TP53INP2: variants seen among roughly 807,000 people sequenced by gnomAD.
The protein encoded by TP53INP2 is tumor protein p53 inducible nuclear protein 2.
Under a neutral mutation model 17.1 loss-of-function variants are expected in TP53INP2, and 12 were observed. The ratio of observed to expected loss-of-function variants is 0.70; its 90% CI spans 0.45 to 1.14. The LOEUF (loss-of-function observed/expected upper bound fraction) is 1.14, where lower values mean the gene tolerates loss of function less well. Ranked by LOEUF, TP53INP2 falls within the 50% of genes most tolerant of loss-of-function variation. The probability of loss-of-function intolerance (pLI) is 0.00; values close to 1 mark genes in which losing one functional copy is unlikely to be tolerated. For missense variants in TP53INP2, 342 were observed against 330.9 expected, an observed-to-expected ratio of 1.03 and a Z score of -0.26; for synonymous variants, 145 against 147.3, an observed-to-expected ratio of 0.98 and a Z score of 0.12.
At position 34,709,183 on chromosome 20, in the gene TP53INP2, GTGC is replaced by G; in HGVS notation, c.125-52_125-50del. The G allele has an allele frequency of 4.8e-6, 7 of 1,453,872 alleles. No homozygotes were observed. The highest frequency in any genetic ancestry group is 6.3e-6 in the Non-Finnish European group (7 of 1,104,372). The allele number at this position is 1,453,872 out of a possible 1,614,324, so 90.1% of individuals were successfully genotyped here. A position where few individuals can be genotyped will look rare whatever the true frequency, so the allele number is the denominator to read the frequency against. Reference sequence around the variant, plus strand: ...CCGGTGTGTGTGTGTGTGTGTGTGTGTGCCTCCTCGCTGCTCCCCTCCTCTGCA... The same window carrying G: ...CCGGTGTGTGTGTGTGTGTGTGTGTGCTCCTCGCTGCTCCCCTCCTCTGCA... On this transcript the variant is annotated intron_variant, in intron 3 of 4. Transcript: ENST00000374810. The surrounding 1 kb of genome is among the most constrained non-coding windows in gnomAD (Gnocchi z 5.4).
chr20:34,704,719 A>G lies in TP53INP2; in HGVS notation c.-167+207A>G, dbSNP rs1174360750. 2.6e-5 allele frequency: 4 copies of G among 152,208 alleles called. 1 individual carries two copies. In the South Asian group the frequency reaches 8.3e-4, roughly 31 times the overall value. 9.4% of individuals were successfully genotyped at this position (152,208 alleles called of 1,614,324 possible). A position where few individuals can be genotyped will look rare whatever the true frequency, so the allele number is the denominator to read the frequency against. On this transcript the variant is annotated intron_variant, in intron 1 of 4. Transcript: ENST00000374810. ...TCACCAAGGCCGGTACCGCCCCCAC[A>G]GGCTCGGGTCGCTTGTCCTCCCGTG... is the stretch of plus-strand genomic sequence containing the variant.
intron 2 of TP53INP2, among the ~76,000 whole-genome samples, 173 bp from the exon 3 acceptor site, chr20:34,708,518 A>C (rs953460739): frequency 2.6e-5 from 4 of 152,230 alleles, no homozygotes; most frequent in African/African-American, 9.6e-5. Flanking sequence ...GAAGATAAAA[A>C]AAAAACCCTG....
In TP53INP2 at chr20:34,710,653, T is replaced by G. The variant is rs1035216611; in HGVS notation, c.*346T>G. ...TGGCCTGCCCCTATTTCTGAAAGCT[T>G]CTTCCAGTCCCTGATCTGGCTCATT... is the stretch of plus-strand genomic sequence containing the variant. On this transcript the variant is annotated 3_prime_UTR_variant, in exon 5 of 5. Coordinates refer to ENST00000374810, the MANE Select transcript of TP53INP2 (RefSeq NM_021202.3). This position sits in a 1 kb window ranked among gnomAD's most constrained non-coding sequence, Gnocchi z 4.9. 16 of 217,154 alleles carry G rather than the reference T, an allele frequency of 7.4e-5. No individual in the cohort carries two copies. Among genetic ancestry groups the G allele is most frequent in the Middle Eastern group, 1.4e-3 (1 of 706 alleles). 13.5% of individuals were successfully genotyped at this position (217,154 alleles called of 1,614,324 possible).
At chr20:34,706,890 G>A (rs115250078) in intron 2 of TP53INP2, among the ~76,000 whole-genome samples, 213 of 152,270 alleles carry the variant, frequency 1.4e-3, no homozygotes, top group African/African-American at 4.9e-3. Flanking sequence ...CAGCAAAACC[G>A]TTGAGCATCT....
intron 2 of TP53INP2, among the ~76,000 whole-genome samples, chr20:34,706,904 G>A (rs1988015975): frequency 6.6e-6 from 1 of 152,162 alleles, no homozygotes; most frequent in African/African-American, 2.4e-5. Context: ...AGCATCTTTA[G>A]GGAACAGGTG....
At position 34,710,434 on chromosome 20, in the gene TP53INP2, CCCCGACA is replaced by C. The variant is rs1988160009; in HGVS notation, c.*131_*137del. ...TGAGGTTGGGTGATAGCCGTTCCTT[CCCCGACA>C]CCCTCAATTTCCCCATCTCTGATCC... On this transcript the variant is annotated 3_prime_UTR_variant, in exon 5 of 5. Coordinates refer to ENST00000374810, the MANE Select transcript of TP53INP2 (RefSeq NM_021202.3). The surrounding 1 kb of genome is among the most constrained non-coding windows in gnomAD (Gnocchi z 4.9). 1 of 1,048,072 alleles carries C rather than the reference CCCCGACA, an allele frequency of 9.5e-7. No individual in the cohort carries two copies. Among genetic ancestry groups the C allele is most frequent in the South Asian group, 4.2e-5 (1 of 23,858 alleles). 64.9% of individuals were successfully genotyped at this position (1,048,072 alleles called of 1,614,324 possible). A position where few individuals can be genotyped will look rare whatever the true frequency, so the allele number is the denominator to read the frequency against.
At position 34,710,322 on chromosome 20, in the gene TP53INP2, C is replaced by G. The variant is rs1006759643; in HGVS notation, c.*15C>G. On this transcript the variant is annotated 3_prime_UTR_variant, in exon 5 of 5. Coordinates refer to ENST00000374810, the MANE Select transcript of TP53INP2 (RefSeq NM_021202.3). The surrounding 1 kb of genome is among the most constrained non-coding windows in gnomAD (Gnocchi z 4.9). The stretch of plus-strand genomic sequence containing the variant: ...TCAACTACTGAGCGTCCACCGGCCG[C>G]GCCACGAACCCCTTGCCGATCCCGA... The G allele has an allele frequency of 1.5e-6, 2 of 1,351,666 alleles. No homozygotes were observed. Among genetic ancestry groups the G allele is most frequent in the Non-Finnish European group, 1.9e-6 (2 of 1,039,906 alleles). The allele number at this position is 1,351,666 out of a possible 1,614,324, so 83.7% of individuals were successfully genotyped here. A position where few individuals can be genotyped will look rare whatever the true frequency, so the allele number is the denominator to read the frequency against.
Position 34,710,171 on chromosome 20 carries a change from G to A in TP53INP2, c.527G>A (p.Arg176Gln), listed in dbSNP as rs1158318634. 1 of 1,322,878 alleles carries A rather than the reference G, an allele frequency of 7.6e-7. No individual in the cohort carries two copies. The highest frequency in any genetic ancestry group is 9.7e-7 in the Non-Finnish European group (1 of 1,028,982). 81.9% of individuals were successfully genotyped at this position (1,322,878 alleles called of 1,614,324 possible). Residue 176 changes from arginine to glutamine, a missense_variant, in exon 5 of 5, where the codon CGG (arginine) becomes CAG (glutamine). Coordinates refer to ENST00000374810, the MANE Select transcript of TP53INP2 (RefSeq NM_021202.3). The surrounding 1 kb of genome is among the most constrained non-coding windows in gnomAD (Gnocchi z 4.9). The stretch of plus-strand genomic sequence containing the variant: ...CAGGTGCGGCGGCTGCAGCGGGCCC[G>A]GCAGCGGGCAGAGCGCCACGCGCTG... ...AGQVRRLQRA[R>Q]QRAERHALSA...
Position 34,709,760 on chromosome 20 carries a change from G to T in TP53INP2, c.413+236G>T, listed in dbSNP as rs374335844. On this transcript the variant is annotated intron_variant, in intron 4 of 4. Coordinates refer to ENST00000374810, the MANE Select transcript of TP53INP2 (RefSeq NM_021202.3). The surrounding 1 kb of genome is among the most constrained non-coding windows in gnomAD (Gnocchi z 5.4). ...TGAGAGGGAGGGGCGTGGCCAAGAG[G>T]CTGGGGCCGGGGTTGGAGGCTTGAG... 1.2e-4 allele frequency among the ~76,000 whole-genome samples: 18 copies of T among 151,858 alleles called. No individual in the cohort carries two copies. In the East Asian group the frequency reaches 2.7e-3, roughly 23 times the overall value.
chr20:34,709,263 G>T lies in TP53INP2; in HGVS notation c.152G>T (p.Gly51Val). The change falls in exon 4 of 5, where the codon GGG becomes GTG. Residue 51 changes from glycine to valine, a missense_variant. Gly to Val is a moderately radical substitution (Grantham distance 109). Coordinates refer to ENST00000374810, the MANE Select transcript of TP53INP2 (RefSeq NM_021202.3). This position sits in a 1 kb window ranked among gnomAD's most constrained non-coding sequence, Gnocchi z 5.4. ...PDSYAAPPSP[G>V]AAPAPAGRPP... ...AGCTACGCGGCTCCACCCAGCCCCG[G>T]GGCCGCCCCTGCCCCCGCGGGCCGC... The T allele has an allele frequency of 1.3e-6, 2 of 1,584,852 alleles. No homozygotes were observed. Among genetic ancestry groups the T allele is most frequent in the Non-Finnish European group, 1.7e-6 (2 of 1,165,512 alleles).
At chr20:34,707,237 T>C (rs1446788108) in intron 2 of TP53INP2, among the ~76,000 whole-genome samples, 1 of 152,180 alleles carries the variant, frequency 6.6e-6, no homozygotes, top group Non-Finnish European at 1.5e-5. Flanking sequence ...TACCCCTGGA[T>C]GCTGCCCTTG....
chr20:34,704,992 C>A (rs2146821190), intron 1 of TP53INP2, among the ~76,000 whole-genome samples: 1 of 152,140 alleles, frequency 6.6e-6, no homozygotes, highest in African/African-American at 2.4e-5. Context: ...GTGGTGGGAT[C>A]CCCTCCCTCC....
chr20:34,710,094 G>A lies in TP53INP2; in HGVS notation c.450G>A (p.Ala150=). ...LTPARREPRA[A]RHAAPLPARA... is the part of the protein sequence containing the mutation. ...CCGCCCGCCGCGAGCCGCGGGCCGCGCGCCACGCCGCTCCTCTCCCAGCGC... is the reference window on the plus strand; with the variant it reads ...CCGCCCGCCGCGAGCCGCGGGCCGCACGCCACGCCGCTCCTCTCCCAGCGC... Residue 150 remains alanine (A), a synonymous_variant, in exon 5 of 5, where the codon GCG becomes GCA. Coordinates refer to ENST00000374810, the MANE Select transcript of TP53INP2 (RefSeq NM_021202.3). The surrounding 1 kb of genome is among the most constrained non-coding windows in gnomAD (Gnocchi z 4.9). The A allele has an allele frequency of 1.6e-6, 2 of 1,273,666 alleles. No homozygotes were observed. The allele number at this position is 1,273,666 out of a possible 1,614,324, so 78.9% of individuals were successfully genotyped here.
In TP53INP2 at chr20:34,713,012, GC is replaced by G; in HGVS notation, c.*2710del. 6.5e-6 allele frequency: 1 copy of G among 152,844 alleles called. No homozygotes were observed. The highest frequency in any genetic ancestry group is 1.5e-5 in the Non-Finnish European group (1 of 68,188). 9.5% of individuals were successfully genotyped at this position (152,844 alleles called of 1,614,324 possible). ...TGTTTTAGAGTATGCCTGCTCCCCA[GC>G]CCCCTGCCTGGAACCCTCTGAGCAA... On this transcript the variant is annotated 3_prime_UTR_variant, in exon 5 of 5. Coordinates refer to ENST00000374810, the MANE Select transcript of TP53INP2 (RefSeq NM_021202.3).
Position 34,710,008 on chromosome 20 carries a change from C to CCT in TP53INP2, c.414-49_414-48insTC, listed in dbSNP as rs759254668. The stretch of plus-strand genomic sequence containing the variant: ...GTGGGAGATGGCAGCGCCCTCTAGA[C>CCT]CCCCCGCCCAGCTTACCCGGCTTGA... On this transcript the variant is annotated intron_variant, in intron 4 of 4. Transcript: ENST00000374810. This position sits in a 1 kb window ranked among gnomAD's most constrained non-coding sequence, Gnocchi z 4.9. The CCT allele has an allele frequency of 3.2e-4, 406 of 1,265,926 alleles. 1 individual carries two copies. The African/African-American group carries it at 4.5e-3, about 14-fold the overall frequency. 78.4% of individuals were successfully genotyped at this position (1,265,926 alleles called of 1,614,324 possible). A position where few individuals can be genotyped will look rare whatever the true frequency, so the allele number is the denominator to read the frequency against.
chr20:34,705,268 T>A lies in TP53INP2; in HGVS notation c.-166-90T>A, dbSNP rs1286256110. The A allele has an allele frequency of 2.0e-5, 3 of 152,222 alleles. No individual in the cohort carries two copies. In the East Asian group the frequency reaches 5.8e-4, roughly 29 times the overall value. The allele number at this position is 152,222 out of a possible 1,614,324, so 9.4% of individuals were successfully genotyped here. On this transcript the variant is annotated intron_variant, in intron 1 of 4. Coordinates refer to ENST00000374810, the MANE Select transcript of TP53INP2 (RefSeq NM_021202.3). ...CTCAGTACAAGTGGTAAGATACACA[T>A]CCTCCTTCCACTGGGGACCCGATCT...
At position 34,709,457 on chromosome 20, in the gene TP53INP2, G is replaced by C. The variant is rs1453867626; in HGVS notation, c.346G>C (p.Val116Leu). Residue 116 changes from valine (V) to leucine (L), a missense_variant, in exon 4 of 5, where the codon GTG becomes CTG. Val to Leu is a conservative substitution (Grantham distance 32). Coordinates refer to ENST00000374810, the MANE Select transcript of TP53INP2 (RefSeq NM_021202.3). This position sits in a 1 kb window ranked among gnomAD's most constrained non-coding sequence, Gnocchi z 5.4. ...CGTTTACGTCACCGGCAGCACCATA[G>C]TGCTAGAGCCCGGGTCCCCTTCCCC... ...MSVYVTGSTI[V>L]LEPGSPSPLP... 6.2e-7 allele frequency: 1 copy of C among 1,613,562 alleles called. No individual in the cohort carries two copies. The highest frequency in any genetic ancestry group is 8.5e-7 in the Non-Finnish European group (1 of 1,179,880).
intron 2 of TP53INP2, among the ~76,000 whole-genome samples, chr20:34,706,132 CT>C (rs912941496): frequency 1.3e-5 from 2 of 152,132 alleles, no homozygotes; most frequent in Non-Finnish European, 2.9e-5. Flanking sequence ...ACCCCAGACC[CT>C]TTTGTAGCTA....
In TP53INP2 at chr20:34,711,515, A is replaced by C. The variant is rs1190316592; in HGVS notation, c.*1208A>C. 2 of 152,196 alleles carry C rather than the reference A, an allele frequency of 1.3e-5. No individual in the cohort carries two copies. Among genetic ancestry groups the C allele is most frequent in the Non-Finnish European group, 2.9e-5 (2 of 68,036 alleles). The allele number at this position is 152,196 out of a possible 1,614,324, so 9.4% of individuals were successfully genotyped here. A position where few individuals can be genotyped will look rare whatever the true frequency, so the allele number is the denominator to read the frequency against. On this transcript the variant is annotated 3_prime_UTR_variant, in exon 5 of 5. Coordinates refer to ENST00000374810, the MANE Select transcript of TP53INP2 (RefSeq NM_021202.3). The surrounding 1 kb of genome is among the most constrained non-coding windows in gnomAD (Gnocchi z 4.1). ...AGGAGTCCAGGACTCCCACTGTCTC[A>C]ATCTGCAAATTGTTCCTATCCAGGT...
Sources: gnomAD v4.1 joint callset for allele counts (sites outside exome capture counted in the v4.1 genomes callset) on GRCh38, gnomAD v4.1.1 for gene constraint, Gnocchi (gnomAD v3.1) non-coding constraint, MANE v1.5 for transcripts, NCBI Gene and HGNC (gene_info 2026-07-23, HGNC 2026-07-21) for gene names.